The following RUVBL1 variants were observed in gnomAD, a reference collection of about 807,000 sequenced individuals.
RUVBL1 encodes RuvB like AAA ATPase 1, also known as ruvB-like 1.
In RUVBL1, 4 loss-of-function variants were observed where a neutral mutation model predicts 52.4. The observed-to-expected ratio is 0.08, with a 90% CI of 0.04 to 0.17. RUVBL1 has a LOEUF of 0.17. Among genes scored for constraint, RUVBL1 ranks in the 10% least tolerant of loss-of-function variants. RUVBL1 has a pLI of 1.00. For missense variants in RUVBL1, 298 were observed against 572.8 expected (o/e 0.52, Z 4.90); for synonymous variants, 217 against 214.4 (o/e 1.01, Z -0.10).
intron 3 of RUVBL1, among the ~76,000 whole-genome samples, chr3:128,108,267 A>G (rs1943295231): frequency 6.6e-6 from 1 of 152,176 alleles, no homozygotes. Flanking sequence ...TCCTTTTTGA[A>G]GATAGTCAAT....
intron 3 of RUVBL1, among the ~76,000 whole-genome samples, chr3:128,112,014 A>C (rs917685665): frequency 1.3e-5 from 2 of 152,240 alleles, no homozygotes; most frequent in African/African-American, 4.8e-5. Flanking sequence ...CTAAATGTTC[A>C]AAAAACAGAA....
intron 1 of RUVBL1, among the ~76,000 whole-genome samples, chr3:128,121,649 G>A (rs981974521): frequency 3.4e-5 from 5 of 146,312 alleles, no homozygotes; most frequent in African/African-American, 1.3e-4. Flanking sequence ...GGCAGAGGTT[G>A]CAGTGAGCCG....
At position 128,082,841 on chromosome 3, in the gene RUVBL1, G is replaced by A. The variant is rs553761832; in HGVS notation, c.1120-267C>T. The A allele has an allele frequency of 1.6e-5, 5 of 320,846 alleles. No homozygotes were observed. The highest frequency in any genetic ancestry group is 9.7e-5 in the South Asian group (3 of 31,048). 19.9% of individuals were successfully genotyped at this position (320,846 alleles called of 1,614,324 possible). On this transcript the variant is annotated intron_variant, in intron 9 of 10. Transcript: ENST00000322623. The surrounding 1 kb of genome is among the most constrained non-coding windows in gnomAD (Gnocchi z 4.7). Reference sequence around the variant, plus strand: ...CTCAAGTGTGGCTGGTGCCCAAGGAGGTATGCAGCTTCCCAAGTGGCTCAC... The same window carrying A: ...CTCAAGTGTGGCTGGTGCCCAAGGAAGTATGCAGCTTCCCAAGTGGCTCAC...
At chr3:128,094,484 G>A (rs983469879) in intron 8 of RUVBL1, among the ~76,000 whole-genome samples, 1 of 152,212 alleles carries the variant, frequency 6.6e-6, no homozygotes, top group Non-Finnish European at 1.5e-5. Flanking sequence ...CTCCATCCCC[G>A]CTCACAGCCC....
At chr3:128,064,808 CT>C (rs2107647369) in exon 10 of RUVBL1, 1 of 1,393,118 alleles carries the variant, frequency 7.2e-7, no homozygotes, top group Middle Eastern at 2.3e-4. Context: ...TATTTGTCTG[CT>C]AAGAAGGCTA....
chr3:128,092,362 A>G (rs1013508718), intron 8 of RUVBL1, among the ~76,000 whole-genome samples: 1 of 152,202 alleles, frequency 6.6e-6, no homozygotes, highest in African/African-American at 2.4e-5. Context: ...ATTGGACTTC[A>G]CTGAAATTTA....
chr3:128,134,673 T>C (rs960008067), intron 1 of RUVBL1, among the ~76,000 whole-genome samples: 15 of 151,018 alleles, frequency 9.9e-5, no homozygotes, highest in African/African-American at 3.7e-4. Flanking sequence ...TGGTGGCACA[T>C]GTCTGTAGTC....
intron 1 of RUVBL1, among the ~76,000 whole-genome samples, chr3:128,147,267 A>G (rs1435685450): frequency 6.6e-6 from 1 of 151,922 alleles, no homozygotes; most frequent in East Asian, 1.9e-4. Context: ...GTGGAGCCCT[A>G]CTGTGTTTCC....
At chr3:128,111,849 A>G (rs1943403248) in intron 3 of RUVBL1, among the ~76,000 whole-genome samples, 1 of 152,224 alleles carries the variant, frequency 6.6e-6, no homozygotes, top group African/African-American at 2.4e-5. Flanking sequence ...TTTGACAATG[A>G]AAGAGCCTGG....
chr3:128,153,570 G>A lies in RUVBL1; in HGVS notation c.-407C>T, dbSNP rs780676133. The A allele has an allele frequency of 1.1e-5, 17 of 1,542,866 alleles. No individual in the cohort carries two copies. In the Admixed American group the frequency reaches 3.1e-4, roughly 28 times the overall value. ...TGGGCCACATCGACAGCGGCAAGAC[G>A]GCGCTGGCGCGGGCGCTAAGCACCA... On this transcript the variant is annotated 5_prime_UTR_variant, in exon 1 of 10. Transcript: ENST00000464873.
intron 1 of RUVBL1, among the ~76,000 whole-genome samples, chr3:128,141,293 C>G (rs1944017780): frequency 6.6e-6 from 1 of 152,178 alleles, no homozygotes; most frequent in South Asian, 2.1e-4. Context: ...AGCCTTACCT[C>G]ACAAAATGTC....
chr3:128,147,954 A>G (rs1309874625), intron 1 of RUVBL1, among the ~76,000 whole-genome samples: 1 of 152,246 alleles, frequency 6.6e-6, no homozygotes, highest in Non-Finnish European at 1.5e-5. Flanking sequence ...CAACATGGAT[A>G]AATCTCAAAT....
At chr3:128,100,417 T>C (rs753597390) in intron 6 of RUVBL1, among the ~76,000 whole-genome samples, 178 bp downstream of exon 6, 6 of 152,112 alleles carry the variant, frequency 3.9e-5, no homozygotes, top group Admixed American at 1.3e-4. Context: ...ACTAGAGCAT[T>C]TGAATGGGAA....
At chr3:128,112,562 T>C (rs2107706737) in intron 3 of RUVBL1, among the ~76,000 whole-genome samples, 1 of 152,224 alleles carries the variant, frequency 6.6e-6, no homozygotes, top group South Asian at 2.1e-4. Context: ...TCCAAAACCT[T>C]TTCAGTGGAT....
In RUVBL1 at chr3:128,101,646, C is replaced by G. The variant is rs375085121; in HGVS notation, c.516G>C (p.Leu172=). 3.1e-6 allele frequency: 5 copies of G among 1,612,434 alleles called. No homozygotes were observed. The African/African-American group carries it at 6.7e-5, about 22-fold the overall frequency. The change falls in exon 5 of 11, where the codon CTG becomes CTC. Residue 172 remains leucine (L), a splice_region_variant and synonymous_variant. Transcript: ENST00000322623. ...GCAAACTTTCAAAAATGCTGGGGTC[C>G]AGCTAAAAAAAAAAATGTAAATCAG... The part of the protein sequence containing the change: ...KTAKGTKQLK[L]DPSIFESLQK...
intron 9 of RUVBL1, chr3:128,069,923 C>G: frequency 5.1e-6 from 2 of 395,530 alleles, no homozygotes; most frequent in Non-Finnish European, 9.1e-6. Context: ...GGATTGTCCC[C>G]AAGTGTCCAT....
At chr3:128,116,222 G>A (rs1371725144) in intron 2 of RUVBL1, among the ~76,000 whole-genome samples, 1 of 151,574 alleles carries the variant, frequency 6.6e-6, no homozygotes, top group Non-Finnish European at 1.5e-5. Flanking sequence ...GGCCACACAT[G>A]AGTAAAAAAG....
At chr3:128,146,916 G>A (rs530968098) in intron 1 of RUVBL1, among the ~76,000 whole-genome samples, 26 of 152,318 alleles carry the variant, frequency 1.7e-4, no homozygotes, top group African/African-American at 5.3e-4. Flanking sequence ...GTGGCTCCTC[G>A]TCCAAGTGAG....
chr3:128,153,889 G>A (rs1404494926), exon 1 of RUVBL1: 3 of 1,434,940 alleles, frequency 2.1e-6, no homozygotes, highest in Non-Finnish European at 2.7e-6. Flanking sequence ...CCCCGTGTCC[G>A]AATTCGCTCG....
Sources: allele counts gnomAD v4.1 joint callset (sites outside exome capture counted in the v4.1 genomes callset), GRCh38; gene constraint gnomAD v4.1.1; non-coding constraint Gnocchi (gnomAD v3.1); transcripts MANE v1.5; gene names NCBI Gene and HGNC (gene_info 2026-07-23, HGNC 2026-07-21).